The following PRF1 variants were observed in gnomAD, a reference collection of about 807,000 sequenced individuals.
PRF1 encodes perforin-1.
In PRF1, 11 loss-of-function variants were observed where a neutral mutation model predicts 11.7. The observed-to-expected ratio is 0.94, with a 90% CI of 0.59 to 1.56. The LOEUF (loss-of-function observed/expected upper bound fraction) is 1.56. Among genes scored for constraint, PRF1 ranks in the 40% most tolerant of loss-of-function variants. The pLI, the probability that PRF1 is intolerant of heterozygous loss-of-function variation, is 0.00. For missense variants in PRF1, 729 were observed against 751.0 expected (o/e 0.97, Z 0.34); for synonymous variants, 314 against 327.8 (o/e 0.96, Z 0.45).
intron 2 of PRF1, among the ~76,000 whole-genome samples, chr10:70,599,513 G>A (rs1189721169): frequency 6.6e-6 from 1 of 152,188 alleles, no homozygotes; most frequent in Non-Finnish European, 1.5e-5. Flanking sequence ...ACTTTGGGAG[G>A]CCGAGGCGGG....
chr10:70,601,828 CA>C (rs71472987), intron 1 of PRF1, among the ~76,000 whole-genome samples: 3 of 3,510 alleles, frequency 8.5e-4, no homozygotes, highest in South Asian at 5.8e-3. Context: ...GACTCTGCCT[CA>C]AAAAAAAAAA....
Position 70,597,759 on chromosome 10 carries a change from T to C in PRF1, c.*294A>G. 2 of 602,206 alleles carry C rather than the reference T, an allele frequency of 3.3e-6. No homozygotes were observed. The highest frequency in any genetic ancestry group is 5.9e-6 in the Non-Finnish European group (2 of 340,224). The allele number at this position is 602,206 out of a possible 1,614,324, so 37.3% of individuals were successfully genotyped here. On this transcript the variant is annotated 3_prime_UTR_variant, in exon 3 of 3. Transcript: ENST00000441259. ...CCATCTGTCTGATGCGTATCCAATC[T>C]TTTGGCTTCTCTGGGCCACGTTGGA...
intron 1 of PRF1, among the ~76,000 whole-genome samples, chr10:70,601,815 T>G (rs1165452756): frequency 9.7e-4 from 1 of 1,028 alleles, no homozygotes; most frequent in African/African-American, 3.1e-3. Context: ...GGTGATAGAG[T>G]AAGACTCTGC....
Position 70,600,708 on chromosome 10 carries a change from C to T in PRF1, c.195G>A (p.Arg65=), listed in dbSNP as rs915055270. 1.2e-6 allele frequency: 2 copies of T among 1,613,780 alleles called. No individual in the cohort carries two copies. Among genetic ancestry groups the T allele is most frequent in the African/African-American group, 2.7e-5 (2 of 74,928 alleles). ...RSGSFPVDTQ[R]FLRPDGTCTL... ...TGCAGGTGCCGTCGGGCCGCAGGAACCTTTGTGTGTCCACTGGGAAGGAGC... is the reference window on the plus strand; with the variant it reads ...TGCAGGTGCCGTCGGGCCGCAGGAATCTTTGTGTGTCCACTGGGAAGGAGC... Residue 65 remains arginine (R), a synonymous_variant, in exon 2 of 3, where the codon AGG becomes AGA. Transcript: ENST00000441259. This position sits in a 1 kb window ranked among gnomAD's most constrained non-coding sequence, Gnocchi z 4.9.
Position 70,601,081 on chromosome 10 carries a change from G to A in PRF1, c.-30-149C>T, listed in dbSNP as rs1848224201. The A allele has an allele frequency of 3.3e-6, 4 of 1,229,184 alleles. No homozygotes were observed. In the African/African-American group the frequency reaches 4.5e-5, roughly 14 times the overall value. The allele number at this position is 1,229,184 out of a possible 1,614,324, so 76.1% of individuals were successfully genotyped here. A position where few individuals can be genotyped will look rare whatever the true frequency, so the allele number is the denominator to read the frequency against. ...GAGCTGGTATGTCCCTTATAGGCCTGGTTCAGCCCCCACATTGTACAGATG... is the reference window on the plus strand; with the variant it reads ...GAGCTGGTATGTCCCTTATAGGCCTAGTTCAGCCCCCACATTGTACAGATG... On this transcript the variant is annotated intron_variant, in intron 1 of 2. Coordinates refer to ENST00000441259, the MANE Select transcript of PRF1 (RefSeq NM_001083116.3).
chr10:70,600,275 A>G lies in PRF1; in HGVS notation c.539+89T>C. 1 of 1,565,388 alleles carries G rather than the reference A, an allele frequency of 6.4e-7. No individual in the cohort carries two copies. The highest frequency in any genetic ancestry group is 8.6e-7 in the Non-Finnish European group (1 of 1,159,182). ...CTGGTGGAAGCAGCCTCCAAGTTTG[A>G]TTGGAGGACTCTGCCTTTCCAGGGC... is the stretch of plus-strand genomic sequence containing the variant. On this transcript the variant is annotated intron_variant, in intron 2 of 2. Transcript: ENST00000441259. The surrounding 1 kb of genome is among the most constrained non-coding windows in gnomAD (Gnocchi z 4.9).
At position 70,597,428 on chromosome 10, in the gene PRF1, CA is replaced by C. The variant is rs1848139493; in HGVS notation, c.*624del. Reference sequence around the variant, plus strand: ...GGTCAGGACAGGCCTCCATTTGTCTCAGGGGCAAAGCATTGTGGGCAAAGAA... The same window carrying C: ...GGTCAGGACAGGCCTCCATTTGTCTCGGGGCAAAGCATTGTGGGCAAAGAA... On this transcript the variant is annotated 3_prime_UTR_variant, in exon 3 of 3. Transcript: ENST00000441259. 1 of 358,146 alleles carries C rather than the reference CA, an allele frequency of 2.8e-6. No individual in the cohort carries two copies. The highest frequency in any genetic ancestry group is 5.0e-6 in the Non-Finnish European group (1 of 199,782). 22.2% of individuals were successfully genotyped at this position (358,146 alleles called of 1,614,324 possible).
Position 70,600,501 on chromosome 10 carries a change from G to C in PRF1, c.402C>G (p.Asp134Glu). 1.2e-6 allele frequency: 2 copies of C among 1,614,166 alleles called. No homozygotes were observed. Among genetic ancestry groups the C allele is most frequent in the South Asian group, 2.2e-5 (2 of 91,084 alleles). Reference sequence around the variant, plus strand: ...CATTGCTGGTGGGCTTAGGAGTCACGTCCAGCCCGACCTTCCAGTCGTTGC... The same window carrying C: ...CATTGCTGGTGGGCTTAGGAGTCACCTCCAGCCCGACCTTCCAGTCGTTGC... ...SIRNDWKVGL[D>E]VTPKPTSNVH... Residue 134 changes from aspartate (D) to glutamate (E), a missense_variant, in exon 2 of 3, where the codon GAC becomes GAG. Asp to Glu is a conservative substitution (Grantham distance 45, BLOSUM62 2). Coordinates refer to ENST00000441259, the MANE Select transcript of PRF1 (RefSeq NM_001083116.3). This position sits in a 1 kb window ranked among gnomAD's most constrained non-coding sequence, Gnocchi z 4.9.
In PRF1 at chr10:70,600,694, T is replaced by G. The variant is rs1326595797; in HGVS notation, c.209A>C (p.Asp70Ala). Residue 70 changes from aspartate to alanine, a missense_variant, in exon 2 of 3, where the codon GAC (aspartate) becomes GCC (alanine). By Grantham distance (126) the Asp-to-Ala change is moderately radical (BLOSUM62 -2). Transcript: ENST00000441259. The surrounding 1 kb of genome is among the most constrained non-coding windows in gnomAD (Gnocchi z 4.9). ...PVDTQRFLRP[D>A]GTCTLCENAL... ...ATTTTCACAGAGGGTGCAGGTGCCGTCGGGCCGCAGGAACCTTTGTGTGTC... is the reference window on the plus strand; with the variant it reads ...ATTTTCACAGAGGGTGCAGGTGCCGGCGGGCCGCAGGAACCTTTGTGTGTC... The G allele has an allele frequency of 6.2e-7, 1 of 1,613,770 alleles. No individual in the cohort carries two copies. Among genetic ancestry groups the G allele is most frequent in the South Asian group, 1.1e-5 (1 of 91,058 alleles).
Position 70,599,131 on chromosome 10 carries a change from A to C in PRF1, c.590T>G (p.Leu197Arg). 3 of 1,614,148 alleles carry C rather than the reference A, an allele frequency of 1.9e-6. No individual in the cohort carries two copies. Among genetic ancestry groups the C allele is most frequent in the Non-Finnish European group, 2.5e-6 (3 of 1,180,014 alleles). ...PPLHPDFKRA[L>R]GDLPHHFNAS... is the part of the protein sequence containing the mutation. Reference sequence around the variant, plus strand: ...GTTGAAGTGGTGGGGCAGGTCCCCGAGGGCCCTCTTGAAGTCAGGGTGCAG... The same window carrying C: ...GTTGAAGTGGTGGGGCAGGTCCCCGCGGGCCCTCTTGAAGTCAGGGTGCAG... Residue 197 changes from leucine to arginine, a missense_variant, in exon 3 of 3, where the codon CTC becomes CGC. Transcript: ENST00000441259.
Position 70,601,331 on chromosome 10 carries a change from A to G in PRF1, c.-30-399T>C, listed in dbSNP as rs368453484. ...CTGAAGAAGTGTCATTTTTGGCCCCAGAACAAGCCACCCTTTGCCCACCCT... is the reference window on the plus strand; with the variant it reads ...CTGAAGAAGTGTCATTTTTGGCCCCGGAACAAGCCACCCTTTGCCCACCCT... On this transcript the variant is annotated intron_variant, in intron 1 of 2. Coordinates refer to ENST00000441259, the MANE Select transcript of PRF1 (RefSeq NM_001083116.3). Among the ~76,000 whole-genome samples, 63 of 152,242 alleles carry G rather than the reference A, an allele frequency of 4.1e-4. No homozygotes were observed. The East Asian group carries it at 0.011, about 28-fold the overall frequency.
Position 70,599,128 on chromosome 10 carries a change from C to G in PRF1, c.593G>C (p.Gly198Ala). The G allele has an allele frequency of 6.2e-7, 1 of 1,614,126 alleles. No individual in the cohort carries two copies. The highest frequency in any genetic ancestry group is 8.5e-7 in the Non-Finnish European group (1 of 1,180,010). ...PLHPDFKRAL[G>A]DLPHHFNAST... ...GGCGTTGAAGTGGTGGGGCAGGTCC[C>G]CGAGGGCCCTCTTGAAGTCAGGGTG... Residue 198 changes from glycine (G) to alanine (A), a missense_variant, in exon 3 of 3, where the codon GGG becomes GCG. Gly to Ala is a moderately conservative substitution (Grantham distance 60). Coordinates refer to ENST00000441259, the MANE Select transcript of PRF1 (RefSeq NM_001083116.3).
In PRF1 at chr10:70,599,124, G is replaced by A. The variant is rs770417198; in HGVS notation, c.597C>T (p.Asp199=). ...LHPDFKRALG[D]LPHHFNASTQ... ...TGGAGGCGTTGAAGTGGTGGGGCAG[G>A]TCCCCGAGGGCCCTCTTGAAGTCAG... The change falls in exon 3 of 3, where the codon GAC becomes GAT. Residue 199 remains aspartate (D), a synonymous_variant. Transcript: ENST00000441259. 6 of 1,614,062 alleles carry A rather than the reference G, an allele frequency of 3.7e-6. No individual in the cohort carries two copies. Among genetic ancestry groups the A allele is most frequent in the East Asian group, 4.5e-5 (2 of 44,894 alleles).
chr10:70,599,766 C>T (rs574681084), intron 2 of PRF1, among the ~76,000 whole-genome samples: 1 of 152,178 alleles, frequency 6.6e-6, no homozygotes. Flanking sequence ...GAAACGTGGC[C>T]CCCAGGTCTG....
In PRF1 at chr10:70,598,655, G is replaced by A. The variant is rs746365230; in HGVS notation, c.1066C>T (p.Arg356Trp). Residue 356 changes from arginine (R) to tryptophan (W), a missense_variant, in exon 3 of 3, where the codon CGG (arginine) becomes TGG (tryptophan). Arg to Trp is a moderately radical substitution (Grantham distance 101). Transcript: ENST00000441259. The part of the protein sequence containing the change: ...LHVLLDSQDP[R>W]REALRRALSQ... ...AGGGCCCTCCTCAGTGCCTCCCGCC[G>A]CGGGTCCTGGCTGTCCAGCAGCACG... The A allele has an allele frequency of 1.2e-5, 19 of 1,613,620 alleles. No individual in the cohort carries two copies. Among genetic ancestry groups the A allele is most frequent in the African/African-American group, 2.7e-5 (2 of 74,936 alleles).
In PRF1 at chr10:70,598,364, C is replaced by A; in HGVS notation, c.1357G>T (p.Val453Leu). ...CAGATGGGGTTGTTATTGTCCCACA[C>A]GGTGCTCGTCCTCAGCTCCTGGCCA... ...FGGQELRTST[V>L]WDNNNPIWSV... is the part of the protein sequence containing the mutation. Residue 453 changes from valine to leucine, a missense_variant, in exon 3 of 3, where the codon GTG becomes TTG. Transcript: ENST00000441259. 1 of 1,614,202 alleles carries A rather than the reference C, an allele frequency of 6.2e-7. No individual in the cohort carries two copies. The highest frequency in any genetic ancestry group is 8.5e-7 in the Non-Finnish European group (1 of 1,180,038).
At position 70,597,880 on chromosome 10, in the gene PRF1, T is replaced by A; in HGVS notation, c.*173A>T. The A allele has an allele frequency of 2.7e-6, 2 of 743,668 alleles. No homozygotes were observed. The highest frequency in any genetic ancestry group is 3.4e-5 in the South Asian group (2 of 59,030). The allele number at this position is 743,668 out of a possible 1,614,324, so 46.1% of individuals were successfully genotyped here. A position where few individuals can be genotyped will look rare whatever the true frequency, so the allele number is the denominator to read the frequency against. ...AAAAATAGCAAAAAGAAACTCATAA[T>A]GTTTTAAGAAAGTTTGCGAATTTGC... On this transcript the variant is annotated 3_prime_UTR_variant, in exon 3 of 3. Coordinates refer to ENST00000441259, the MANE Select transcript of PRF1 (RefSeq NM_001083116.3).
chr10:70,601,846 G>GAGAAAGAAAAAAAAGAAAAAC (rs1280032283), intron 1 of PRF1, among the ~76,000 whole-genome samples: 1 of 5,444 alleles, frequency 1.8e-4, no homozygotes, highest in Non-Finnish European at 5.8e-4. Flanking sequence ...AAAAAAAAAA[G>GAGAAAGAAAAAAAAGAAAAAC]GGGCAGACCT....
In PRF1 at chr10:70,598,688, G is replaced by A. The variant is rs200641752; in HGVS notation, c.1033C>T (p.Pro345Ser). The A allele has an allele frequency of 1.4e-5, 22 of 1,614,096 alleles. No homozygotes were observed. The East Asian group carries it at 4.2e-4, about 31-fold the overall frequency. ...SPGLVDYTLE[P>S]LHVLLDSQDP... is the part of the protein sequence containing the mutation. ...TGGCTGTCCAGCAGCACGTGCAGGG[G>A]TTCCAGGGTGTAGTCCACCAGGCCA... Residue 345 changes from proline to serine, a missense_variant, in exon 3 of 3, where the codon CCC becomes TCC. Transcript: ENST00000441259.
Sources: allele counts gnomAD v4.1 joint callset (sites outside exome capture counted in the v4.1 genomes callset), GRCh38; gene constraint gnomAD v4.1.1; non-coding constraint Gnocchi (gnomAD v3.1); transcripts MANE v1.5; gene names NCBI Gene and HGNC (gene_info 2026-07-23, HGNC 2026-07-21).